CPNE4: variants seen among roughly 807,000 people sequenced by gnomAD.
The protein encoded by CPNE4 is copine-4.
In CPNE4, 25 loss-of-function variants were observed where a neutral mutation model predicts 67.9. That is an observed-to-expected ratio of 0.37 (90% CI 0.27 to 0.51). The LOEUF (loss-of-function observed/expected upper bound fraction) is 0.51, where lower values mean the gene tolerates loss of function less well. CPNE4 is among the 20% of genes least tolerant of loss of function. CPNE4 has a pLI of 0.93. For missense variants in CPNE4, 464 were observed against 690.8 expected (o/e 0.67, Z 3.68); for synonymous variants, 242 against 244.9 (o/e 0.99, Z 0.11).
chr3:131,896,821 G>C (rs1175384251), intron 2 of CPNE4, among the ~76,000 whole-genome samples: 3 of 152,018 alleles, frequency 2.0e-5, no homozygotes, highest in Non-Finnish European at 4.4e-5. Flanking sequence ...TCAGCACCAT[G>C]ACCTTTATTT....
chr3:131,728,727 G>C (rs776394311), intron 2 of CPNE4, among the ~76,000 whole-genome samples: 3 of 151,768 alleles, frequency 2.0e-5, no homozygotes, highest in Non-Finnish European at 4.4e-5. Flanking sequence ...TGGCTAACAT[G>C]GTGAAACCCC....
intron 3 of CPNE4, among the ~76,000 whole-genome samples, chr3:131,700,686 A>G (rs2081275798): frequency 6.6e-6 from 1 of 152,222 alleles, no homozygotes. Flanking sequence ...TCAAAGGAGA[A>G]AAGGGCTAAA....
intron 2 of CPNE4, among the ~76,000 whole-genome samples, chr3:131,822,529 T>C (rs79920761): frequency 0.032 from 4,811 of 152,292 alleles, 180 homozygotes; most frequent in South Asian, 0.094. Context: ...ATCATAAGTT[T>C]GCTATTTTGC....
At chr3:131,879,215 A>C (rs2087573170) in intron 2 of CPNE4, among the ~76,000 whole-genome samples, 1 of 152,236 alleles carries the variant, frequency 6.6e-6, no homozygotes, top group South Asian at 2.1e-4. Flanking sequence ...TCTAAGAGAC[A>C]AAACTGTGAT....
intron 2 of CPNE4, among the ~76,000 whole-genome samples, chr3:131,768,897 CT>C (rs981604942): frequency 3.9e-5 from 6 of 152,098 alleles, no homozygotes; most frequent in Non-Finnish European, 7.4e-5. Context: ...ATTCTAAGTT[CT>C]TTGCATCTTA....
chr3:131,883,005 C>T lies in CPNE4; in HGVS notation c.180+22259G>A, dbSNP rs375006146. Among the ~76,000 whole-genome samples, 166 of 152,220 alleles carry T rather than the reference C, an allele frequency of 1.1e-3. No individual in the cohort carries two copies. The Middle Eastern group carries it at 0.024, about 22-fold the overall frequency. ...GTGCTGGGATTACAGGCGTGAGCCA[C>T]CATGCCAGGCCAGTTCTGCTCTACT... On this transcript the variant is annotated intron_variant, in intron 2 of 15. Coordinates refer to ENST00000429747, the MANE Select transcript of CPNE4 (RefSeq NM_130808.3).
chr3:131,951,790 C>T (rs950589102), intron 1 of CPNE4, among the ~76,000 whole-genome samples: 12 of 152,196 alleles, frequency 7.9e-5, no homozygotes, highest in Non-Finnish European at 1.6e-4. Context: ...GTCTCCAGCT[C>T]CTAACCGCGA....
chr3:131,800,657 T>A (rs2084067507), intron 2 of CPNE4, among the ~76,000 whole-genome samples: 2 of 152,066 alleles, frequency 1.3e-5, no homozygotes, highest in Non-Finnish European at 2.9e-5. Flanking sequence ...AGGGTGGAGA[T>A]CATTCAAAAA....
chr3:132,004,810 C>G (rs1307895284), intron 1 of CPNE4, among the ~76,000 whole-genome samples: 1 of 152,064 alleles, frequency 6.6e-6, no homozygotes, highest in East Asian at 1.9e-4. Flanking sequence ...CCCAGTGGAA[C>G]TGCAAGACCA....
chr3:131,671,458 C>CGTGTGTGTGTGTGT (rs1560088339), intron 6 of CPNE4, among the ~76,000 whole-genome samples: 2 of 125,624 alleles, frequency 1.6e-5, no homozygotes, highest in African/African-American at 5.3e-5. Context: ...TGAGTGTACA[C>CGTGTGTGTGTGTGT]ATGTGTGTGT....
At chr3:131,955,916 C>T (rs926729425) in intron 1 of CPNE4, among the ~76,000 whole-genome samples, 2 of 152,090 alleles carry the variant, frequency 1.3e-5, no homozygotes, top group African/African-American at 4.8e-5. Flanking sequence ...CTCTGCTTTC[C>T]AGCAGATGCA....
intron 2 of CPNE4, among the ~76,000 whole-genome samples, chr3:131,809,448 T>G (rs1021284577): frequency 6.6e-6 from 1 of 152,132 alleles, no homozygotes; most frequent in African/African-American, 2.4e-5. Context: ...AAATTTGTGT[T>G]GCTTCAAGCC....
rs7647472 is a variant in CPNE4 at position 131,824,749 on chromosome 3, C to T, written c.180+80515G>A. On this transcript the variant is annotated intron_variant, in intron 2 of 15. Transcript: ENST00000429747. ...ATCTGAACTAGGAAAGTCAGACAAA[C>T]TAGAGAAGGATAAAAAGTGTCCTTC... Among the ~76,000 whole-genome samples the T allele has an allele frequency of 3.3e-3, 503 of 152,240 alleles. 1 individual carries two copies. The highest frequency in any genetic ancestry group is 0.011 in the African/African-American group (475 of 41,540).
chr3:131,601,667 G>A (rs1411829162), intron 7 of CPNE4, among the ~76,000 whole-genome samples: 2 of 152,120 alleles, frequency 1.3e-5, no homozygotes, highest in Non-Finnish European at 1.5e-5. Flanking sequence ...AGGGACAACC[G>A]GATGGTGTAG....
intron 1 of CPNE4, among the ~76,000 whole-genome samples, chr3:131,952,092 G>C (rs1189872780): frequency 1.3e-5 from 2 of 148,664 alleles, no homozygotes; most frequent in Admixed American, 6.7e-5. Context: ...GTCTCTGCCC[G>C]GCCGCCATCC....
In CPNE4 at chr3:131,735,183, T is replaced by C. The variant is rs141267616; in HGVS notation, c.181-11558A>G. Among the ~76,000 whole-genome samples, 839 of 152,186 alleles carry C rather than the reference T, an allele frequency of 5.5e-3. 10 individuals carry two copies. The highest frequency in any genetic ancestry group is 0.019 in the African/African-American group (798 of 41,530). On this transcript the variant is annotated intron_variant, in intron 2 of 15. Transcript: ENST00000429747. ...ACAAAATTCTAAAAAAACAGTTTCCTAAAAAAGCAACCCTATGGAACTAGG... is the reference window on the plus strand; with the variant it reads ...ACAAAATTCTAAAAAAACAGTTTCCCAAAAAAGCAACCCTATGGAACTAGG...
At chr3:131,918,871 A>G (rs1000176201) in intron 1 of CPNE4, among the ~76,000 whole-genome samples, 4 of 152,244 alleles carry the variant, frequency 2.6e-5, no homozygotes, top group African/African-American at 9.6e-5. Context: ...CAAATGATTA[A>G]CAGAGAAGAA....
At chr3:131,741,960 C>A (rs1481485485) in intron 2 of CPNE4, among the ~76,000 whole-genome samples, 1 of 152,146 alleles carries the variant, frequency 6.6e-6, no homozygotes, top group Non-Finnish European at 1.5e-5. Context: ...TCTATCCCTT[C>A]TTTTTCACAT....
chr3:131,929,218 A>AAAAAAAAAAACG (rs147184357), intron 1 of CPNE4, among the ~76,000 whole-genome samples: 1 of 137,724 alleles, frequency 7.3e-6, no homozygotes, highest in Non-Finnish European at 1.6e-5. Flanking sequence ...AAAAAAAAAA[A>AAAAAAAAAAACG]GATTTTCAGA....
Sources: gnomAD v4.1 joint callset for allele counts (sites outside exome capture counted in the v4.1 genomes callset) on GRCh38, gnomAD v4.1.1 for gene constraint, MANE v1.5 for transcripts, NCBI Gene and HGNC (gene_info 2026-07-23, HGNC 2026-07-21) for gene names.